Variants in GLIS1 observed in about 807,000 individuals in gnomAD.
The protein encoded by GLIS1 is zinc finger protein GLIS1.
Under a neutral mutation model 63.8 loss-of-function variants are expected in GLIS1, and 24 were observed. That is an observed-to-expected ratio of 0.38 (90% confidence interval 0.27 to 0.53). The LOEUF (loss-of-function observed/expected upper bound fraction) is 0.53, where lower values mean the gene tolerates loss of function less well. Ranked by LOEUF, GLIS1 falls within the 20% of genes least tolerant of loss-of-function variation. GLIS1 has a pLI of 0.85. For missense variants in GLIS1, 1,036 were observed against 1,074.1 expected (o/e 0.96, Z 0.50); for synonymous variants, 450 against 482.5 (o/e 0.93, Z 0.88).
At chr1:53,710,372 C>T (rs1250240271) in intron 2 of GLIS1, among the ~76,000 whole-genome samples, 1 of 152,260 alleles carries the variant, frequency 6.6e-6, no homozygotes, top group Non-Finnish European at 1.5e-5. Flanking sequence ...AGACGTGTCA[C>T]ATCCTCTCGC....
chr1:53,592,137 C>G (rs1645197874), intron 4 of GLIS1, among the ~76,000 whole-genome samples: 1 of 152,080 alleles, frequency 6.6e-6, no homozygotes, highest in Non-Finnish European at 1.5e-5. Context: ...AAGTGAGATC[C>G]TGGCAGCCTG....
chr1:53,679,235 C>T (rs539277041), intron 2 of GLIS1, among the ~76,000 whole-genome samples: 219 of 152,304 alleles, frequency 1.4e-3, no homozygotes, highest in African/African-American at 5.0e-3. Flanking sequence ...AGGTGGCAGC[C>T]ACAAATGCCC....
chr1:53,738,352 T>A (rs1338670446), intron 1 of GLIS1, among the ~76,000 whole-genome samples: 1 of 152,074 alleles, frequency 6.6e-6, no homozygotes, highest in African/African-American at 2.4e-5. Flanking sequence ...CCGCGGCGCA[T>A]TACCGCGAAG....
intron 2 of GLIS1, among the ~76,000 whole-genome samples, chr1:53,708,263 C>T (rs899216285): frequency 3.3e-5 from 5 of 151,428 alleles, no homozygotes; most frequent in African/African-American, 9.7e-5. Context: ...AGCCTGGGCA[C>T]AGCAGAGGGA....
At chr1:53,510,975 A>T (rs1171485848) in intron 8 of GLIS1, among the ~76,000 whole-genome samples, 2 of 152,276 alleles carry the variant, frequency 1.3e-5, no homozygotes, top group East Asian at 3.9e-4. Context: ...AGGTGCCCTG[A>T]GCCCAGCCCA....
rs1644614913 is a variant in GLIS1 at position 53,539,268 on chromosome 1, C to T, written c.1321-9316G>A. Among the ~76,000 whole-genome samples, 1 of 106,388 alleles carries T rather than the reference C, an allele frequency of 9.4e-6. No individual in the cohort carries two copies. The highest frequency in any genetic ancestry group is 2.0e-5 in the Non-Finnish European group (1 of 49,294). 69.8% of individuals were successfully genotyped at this position (106,388 alleles called of 152,430 possible). A position where few individuals can be genotyped will look rare whatever the true frequency, so the allele number is the denominator to read the frequency against. On this transcript the variant is annotated intron_variant, in intron 4 of 10. Coordinates refer to ENST00000628545, the MANE Select transcript of GLIS1 (RefSeq NM_001367484.1). The surrounding 1 kb of genome is among the most constrained non-coding windows in gnomAD (Gnocchi z 5.0). ...TTCACACACACACACACACCAAGAC[C>T]CAGAAACTCCCTCACACACACACAC...
chr1:53,631,540 G>C (rs1349198871), intron 2 of GLIS1, among the ~76,000 whole-genome samples: 2 of 152,186 alleles, frequency 1.3e-5, no homozygotes, highest in African/African-American at 4.8e-5. Context: ...TAGGTGCTGG[G>C]ATACAGCAGT....
intron 4 of GLIS1, among the ~76,000 whole-genome samples, chr1:53,567,481 C>T (rs1427141430): frequency 6.6e-6 from 1 of 152,198 alleles, no homozygotes; most frequent in Non-Finnish European, 1.5e-5. Context: ...AGCCCATTTT[C>T]TGGGGAGAAA....
At chr1:53,579,213 G>A (rs1645061443) in intron 4 of GLIS1, among the ~76,000 whole-genome samples, 1 of 152,222 alleles carries the variant, frequency 6.6e-6, no homozygotes, top group Non-Finnish European at 1.5e-5. Context: ...GGACGTCAAT[G>A]AGAAAGCCCC....
At position 53,601,207 on chromosome 1, in the gene GLIS1, G is replaced by A. The variant is rs1009067249; in HGVS notation, c.260-929C>T. Among the ~76,000 whole-genome samples, 3 of 152,106 alleles carry A rather than the reference G, an allele frequency of 2.0e-5. No homozygotes were observed. In the East Asian group the frequency reaches 5.8e-4, roughly 29 times the overall value. On this transcript the variant is annotated intron_variant, in intron 2 of 10. Coordinates refer to ENST00000628545, the MANE Select transcript of GLIS1 (RefSeq NM_001367484.1). ...TTCCATAACTCAGACAAATCCCTGC[G>A]CAGGCCAGACCCTGTTTCCCCTGTG...
At chr1:53,586,727 C>T (rs556836036) in intron 4 of GLIS1, among the ~76,000 whole-genome samples, 5 of 152,308 alleles carry the variant, frequency 3.3e-5, no homozygotes, top group African/African-American at 1.2e-4. Context: ...AAACTTCAAG[C>T]ACCAGATTAG....
At chr1:53,699,026 T>C (rs966774512) in intron 2 of GLIS1, among the ~76,000 whole-genome samples, 1 of 151,332 alleles carries the variant, frequency 6.6e-6, no homozygotes, top group Non-Finnish European at 1.5e-5. Context: ...CAGCCATGAT[T>C]GTTTTTTGTT....
chr1:53,723,220 CTTA>C (rs1384638909), intron 2 of GLIS1, among the ~76,000 whole-genome samples: 1 of 149,694 alleles, frequency 6.7e-6, no homozygotes, highest in African/African-American at 2.5e-5. Flanking sequence ...CAATGTTAAG[CTTA>C]TTATTTATTT....
intron 2 of GLIS1, among the ~76,000 whole-genome samples, chr1:53,654,762 T>C (rs1408513284): frequency 6.6e-6 from 1 of 152,050 alleles, no homozygotes; most frequent in African/African-American, 2.4e-5. Context: ...GCGATCCTCC[T>C]AGGAGCAGCG....
chr1:53,519,870 G>A (rs1484987773), intron 7 of GLIS1, among the ~76,000 whole-genome samples: 1 of 152,208 alleles, frequency 6.6e-6, no homozygotes, highest in Admixed American at 6.5e-5. Context: ...GGAGCAGAAT[G>A]GGCTCTTCTT....
At position 53,587,563 on chromosome 1, in the gene GLIS1, C is replaced by T. The variant is rs150083001; in HGVS notation, c.1320+6545G>A. 2.5e-3 allele frequency among the ~76,000 whole-genome samples: 382 copies of T among 152,230 alleles called. 1 individual carries two copies. The highest frequency in any genetic ancestry group is 4.0e-3 in the Non-Finnish European group (269 of 68,024). On this transcript the variant is annotated intron_variant, in intron 4 of 10. Coordinates refer to ENST00000628545, the MANE Select transcript of GLIS1 (RefSeq NM_001367484.1). Reference sequence around the variant, plus strand: ...TCCAGGAAGGGAGCTTGTTTCCAGGCGACTATTCTAATGAGAGTGAAATGT... The same window carrying T: ...TCCAGGAAGGGAGCTTGTTTCCAGGTGACTATTCTAATGAGAGTGAAATGT...
chr1:53,679,317 C>T (rs1447231951), intron 2 of GLIS1, among the ~76,000 whole-genome samples: 1 of 152,210 alleles, frequency 6.6e-6, no homozygotes, highest in Non-Finnish European at 1.5e-5. Flanking sequence ...CTTAAAATAA[C>T]TACAAGGCAT....
intron 10 of GLIS1, among the ~76,000 whole-genome samples, chr1:53,507,769 G>A (rs972040836): frequency 2.0e-5 from 3 of 152,204 alleles, no homozygotes; most frequent in Non-Finnish European, 2.9e-5. Flanking sequence ...TGTAGGGCCG[G>A]GGTGGGGTGT....
intron 4 of GLIS1, among the ~76,000 whole-genome samples, chr1:53,568,982 G>A (rs1177730736): frequency 6.6e-6 from 1 of 152,176 alleles, no homozygotes; most frequent in Admixed American, 6.5e-5. Flanking sequence ...TAGTGAAAAG[G>A]AATGAGCTAT....
Sources: gnomAD v4.1 joint callset for allele counts (sites outside exome capture counted in the v4.1 genomes callset) on GRCh38, gnomAD v4.1.1 for gene constraint, Gnocchi (gnomAD v3.1) non-coding constraint, MANE v1.5 for transcripts, NCBI Gene and HGNC (gene_info 2026-07-23, HGNC 2026-07-21) for gene names.